COL24A1: variants seen among roughly 807,000 people sequenced by gnomAD.
COL24A1 encodes collagen alpha-1(XXIV) chain.
COL24A1 carries 224 observed loss-of-function variants against 253.9 expected under a neutral mutation model. The observed-to-expected ratio is 0.88, with a 90% CI of 0.79 to 0.99. The LOEUF is 0.99. Ranked by LOEUF, COL24A1 falls within the 50% of genes least tolerant of loss-of-function variation. COL24A1 has a pLI of 0.00. For missense variants in COL24A1, 2,131 were observed against 2,068.5 expected (o/e 1.03, Z -0.59); for synonymous variants, 685 against 673.7 (o/e 1.02, Z -0.26).
At chr1:85,847,518 A>G (rs1677258388) in intron 39 of COL24A1, 147 bp downstream of exon 39, 2 of 557,100 alleles carry the variant, frequency 3.6e-6, no homozygotes, top group African/African-American at 3.8e-5. Context: ...AATGCTTACA[A>G]TTCTCCACAT....
In COL24A1 at chr1:85,781,359, G is replaced by C. The variant is rs968483164; in HGVS notation, c.4285-86C>G. ...CAGAATCTCTTGTACAATGGTAAAA[G>C]AGCCATGTCTACATAATTATCCTTT... On this transcript the variant is annotated intron_variant, in intron 51 of 59. Transcript: ENST00000370571. 4 of 865,872 alleles carry C rather than the reference G, an allele frequency of 4.6e-6. No individual in the cohort carries two copies. In the African/African-American group the frequency reaches 6.9e-5, roughly 15 times the overall value. The allele number at this position is 865,872 out of a possible 1,614,324, so 53.6% of individuals were successfully genotyped here.
intron 57 of COL24A1, among the ~76,000 whole-genome samples, chr1:85,743,895 C>T (rs529313751): frequency 9.2e-5 from 14 of 152,006 alleles, no homozygotes; most frequent in African/African-American, 2.4e-4. Flanking sequence ...TGTGTATGTG[C>T]GTGTTTGTGT....
At chr1:85,831,280 G>T (rs1356142860) in intron 43 of COL24A1, among the ~76,000 whole-genome samples, 2 of 152,092 alleles carry the variant, frequency 1.3e-5, no homozygotes, top group Non-Finnish European at 2.9e-5. Flanking sequence ...GAAGTGGCTG[G>T]TGAAAAGCTG....
intron 20 of COL24A1, among the ~76,000 whole-genome samples, chr1:85,976,513 C>T (rs1014229356): frequency 4.6e-5 from 7 of 152,096 alleles, no homozygotes; most frequent in South Asian, 2.1e-4. Context: ...CTCAGACTGG[C>T]GTAACCCTGC....
In COL24A1 at chr1:85,986,681, C is replaced by T. The variant is rs74097635; in HGVS notation, c.2364+920G>A. 3.3e-3 allele frequency among the ~76,000 whole-genome samples: 497 copies of T among 151,838 alleles called. 6 individuals carry two copies. Among genetic ancestry groups the T allele is most frequent in the African/African-American group, 0.011 (477 of 41,498 alleles). ...AATTAAATGAGATAATGACTATAAA[C>T]GAGATAATGTCTATGAAGCATTTAC... is the stretch of plus-strand genomic sequence containing the variant. On this transcript the variant is annotated intron_variant, in intron 20 of 59. Coordinates refer to ENST00000370571, the MANE Select transcript of COL24A1 (RefSeq NM_152890.7).
In COL24A1 at chr1:85,860,057, T is replaced by G. The variant is rs543238302; in HGVS notation, c.3300+8462A>C. On this transcript the variant is annotated intron_variant, in intron 37 of 59. Coordinates refer to ENST00000370571, the MANE Select transcript of COL24A1 (RefSeq NM_152890.7). ...TTACTAATAAAATAGAGGAACCAGT[T>G]GGGATTCCCTATTTTAGACTTTGTG... Among the ~76,000 whole-genome samples the G allele has an allele frequency of 2.0e-5, 3 of 147,238 alleles. No individual in the cohort carries two copies. The East Asian group carries it at 5.8e-4, about 28-fold the overall frequency.
chr1:85,846,640 A>G (rs149139916), intron 39 of COL24A1, among the ~76,000 whole-genome samples: 123 of 152,156 alleles, frequency 8.1e-4, no homozygotes, highest in African/African-American at 2.8e-3. Context: ...AAAAAATGCA[A>G]TACACATTCT....
intron 18 of COL24A1, among the ~76,000 whole-genome samples, chr1:86,017,896 T>C (rs1448431501): frequency 1.3e-5 from 2 of 152,170 alleles, no homozygotes; most frequent in African/African-American, 4.8e-5. Flanking sequence ...ACTGTTTTCA[T>C]CCTTTAATTG....
chr1:85,939,083 C>T (rs1345062886), intron 24 of COL24A1, among the ~76,000 whole-genome samples: 8 of 152,092 alleles, frequency 5.3e-5, no homozygotes, highest in African/African-American at 1.9e-4. Context: ...AACTGTGGAA[C>T]TCAATCCATT....
rs908956716 is a variant in COL24A1 at position 86,156,548 on chromosome 1, G to A, written c.-152C>T. 3.3e-6 allele frequency: 2 copies of A among 609,968 alleles called. No individual in the cohort carries two copies. Among genetic ancestry groups the A allele is most frequent in the African/African-American group, 1.9e-5 (1 of 52,172 alleles). 37.8% of individuals were successfully genotyped at this position (609,968 alleles called of 1,614,324 possible). A position where few individuals can be genotyped will look rare whatever the true frequency, so the allele number is the denominator to read the frequency against. On this transcript the variant is annotated 5_prime_UTR_variant, in exon 1 of 60. Transcript: ENST00000370571. Reference sequence around the variant, plus strand: ...CGCAACAAGAAAAAAAGGAGGGGAGGGGGTGAAGTCGGGAGGAGGTAGGAA... The same window carrying A: ...CGCAACAAGAAAAAAAGGAGGGGAGAGGGTGAAGTCGGGAGGAGGTAGGAA...
At chr1:85,748,546 G>C (rs1008363513) in intron 55 of COL24A1, among the ~76,000 whole-genome samples, 3 of 152,160 alleles carry the variant, frequency 2.0e-5, no homozygotes, top group East Asian at 3.9e-4. Context: ...TGGCCGAATA[G>C]GAACAGCTCC....
intron 33 of COL24A1, among the ~76,000 whole-genome samples, chr1:85,876,051 A>G (rs1387661305): frequency 1.3e-5 from 2 of 152,216 alleles, no homozygotes; most frequent in East Asian, 3.9e-4. Flanking sequence ...ACCATTACTT[A>G]TCATGTTAAG....
intron 3 of COL24A1, 79 bp from the exon 4 acceptor site, chr1:86,115,457 C>A (rs1706053899): frequency 3.0e-6 from 4 of 1,354,510 alleles, no homozygotes; most frequent in African/African-American, 1.4e-5. Context: ...AGATTTCCAC[C>A]CAAAGACAAC....
Position 85,816,811 on chromosome 1 carries a change from G to A in COL24A1, c.3928C>T (p.Pro1310Ser). ...ACAGGAAGTCCCTGTTTTCCTGGTG[G>A]CCCAATTTTTCCAGGGTTTCCTGAA... ...GISGNPGKIG[P>S]PGKQGLPGIR... Residue 1310 changes from proline to serine, a missense_variant, in exon 47 of 60, where the codon CCA becomes TCA. Physicochemically the swap from Pro to Ser is moderately conservative, Grantham distance 74. Transcript: ENST00000370571. The A allele has an allele frequency of 1.2e-6, 2 of 1,613,890 alleles. No individual in the cohort carries two copies. The highest frequency in any genetic ancestry group is 1.7e-6 in the Non-Finnish European group (2 of 1,179,822).
intron 47 of COL24A1, among the ~76,000 whole-genome samples, chr1:85,800,729 C>T (rs1264233728): frequency 2.0e-5 from 3 of 152,164 alleles, no homozygotes; most frequent in Non-Finnish European, 4.4e-5. Flanking sequence ...GCCACCACAA[C>T]AGACTCTCCA....
At chr1:86,146,853 A>G (rs898213653) in intron 1 of COL24A1, among the ~76,000 whole-genome samples, 5 of 152,148 alleles carry the variant, frequency 3.3e-5, no homozygotes, top group African/African-American at 1.2e-4. Context: ...TTGATAAGCT[A>G]TCTAAGCAAA....
At chr1:86,025,494 C>T (rs1182562351) in intron 14 of COL24A1, among the ~76,000 whole-genome samples, 1 of 152,204 alleles carries the variant, frequency 6.6e-6, no homozygotes, top group African/African-American at 2.4e-5. Context: ...CCACCATACT[C>T]ACACGTGATA....
intron 5 of COL24A1, 73 bp from the exon 6 acceptor site, chr1:86,092,393 T>A: frequency 4.7e-6 from 5 of 1,056,402 alleles, no homozygotes; most frequent in Non-Finnish European, 7.2e-6. Flanking sequence ...TTCAGGTATT[T>A]ATTACCAGAT....
chr1:86,051,528 C>T (rs1408179566), intron 10 of COL24A1, among the ~76,000 whole-genome samples: 1 of 151,960 alleles, frequency 6.6e-6, no homozygotes, highest in East Asian at 1.9e-4. Flanking sequence ...ACAGCATTTG[C>T]AAAGAATTGC....
Sources: gnomAD v4.1 joint callset for allele counts (sites outside exome capture counted in the v4.1 genomes callset) on GRCh38, gnomAD v4.1.1 for gene constraint, MANE v1.5 for transcripts, NCBI Gene and HGNC (gene_info 2026-07-23, HGNC 2026-07-21) for gene names.